Variants in PRR5 observed in about 807,000 individuals in gnomAD.
PRR5 encodes proline-rich protein 5.
PRR5 carries 25 observed loss-of-function variants against 30.6 expected under a neutral mutation model. The ratio of observed to expected loss-of-function variants is 0.82; its 90% CI spans 0.60 to 1.14. The LOEUF (loss-of-function observed/expected upper bound fraction) is 1.14. Ranked by LOEUF, PRR5 falls within the 50% of genes most tolerant of loss-of-function variation. The probability of loss-of-function intolerance (pLI) is 0.00; values close to 1 mark genes in which losing one functional copy is unlikely to be tolerated. For synonymous variants in PRR5, 286 were observed against 247.1 expected, an observed-to-expected ratio of 1.16 and a Z score of -1.48; for missense variants, 600 against 547.1, an observed-to-expected ratio of 1.10 and a Z score of -0.96.
At chr22:44,726,056 C>T (rs1238407407) in intron 3 of PRR5, among the ~76,000 whole-genome samples, 2 of 152,222 alleles carry the variant, frequency 1.3e-5, no homozygotes, top group African/African-American at 4.8e-5. Flanking sequence ...CTCATTGGAG[C>T]ACAAGCCAGT....
intron 1 of PRR5, among the ~76,000 whole-genome samples, chr22:44,683,391 G>A (rs1924461441): frequency 6.6e-6 from 1 of 152,244 alleles, no homozygotes; most frequent in South Asian, 2.1e-4. Context: ...TCCTGAGGAA[G>A]AGGCTTCTTG....
chr22:44,707,800 G>C (rs1266291750), intron 1 of PRR5, among the ~76,000 whole-genome samples: 17 of 152,204 alleles, frequency 1.1e-4, no homozygotes, highest in Admixed American at 1.1e-3. Context: ...CCCTCCATGT[G>C]TTTGGGCCAG....
intron 1 of PRR5, among the ~76,000 whole-genome samples, chr22:44,681,290 TA>T (rs201946438): frequency 9.3e-5 from 14 of 151,302 alleles, no homozygotes; most frequent in South Asian, 4.2e-4. Flanking sequence ...AAATGTTAGT[TA>T]AAAAAAAAGT....
intron 1 of PRR5, among the ~76,000 whole-genome samples, chr22:44,670,927 A>G (rs1458639327): frequency 6.6e-6 from 1 of 152,202 alleles, no homozygotes; most frequent in Non-Finnish European, 1.5e-5. Context: ...CTTCTGGGAC[A>G]TGTGTGAGAA....
At chr22:44,720,026 C>T (rs1929690681) in intron 2 of PRR5, among the ~76,000 whole-genome samples, 1 of 152,138 alleles carries the variant, frequency 6.6e-6, no homozygotes, top group Non-Finnish European at 1.5e-5. Flanking sequence ...GCAGCTTCGT[C>T]CCCTGGGCTC....
chr22:44,716,451 G>A (rs1056889956), intron 2 of PRR5, among the ~76,000 whole-genome samples: 13 of 152,180 alleles, frequency 8.5e-5, no homozygotes, highest in Admixed American at 3.9e-4. Context: ...TAGGGGGATC[G>A]CTAGAGGCCA....
chr22:44,736,204 G>A (rs553490548), intron 7 of PRR5, among the ~76,000 whole-genome samples: 2 of 152,252 alleles, frequency 1.3e-5, no homozygotes, highest in Non-Finnish European at 2.9e-5. Flanking sequence ...AGCGGCCAGC[G>A]AGGCCCATTT....
chr22:44,676,596 G>A (rs79134873), upstream of PRR5, among the ~76,000 whole-genome samples: 1,588 of 152,100 alleles, frequency 0.01, 26 homozygotes, highest in African/African-American at 0.036. Flanking sequence ...ACAGGCAGAG[G>A]GTTGGTGTTC....
intron 6 of PRR5, among the ~76,000 whole-genome samples, chr22:44,733,105 G>T (rs1922528541): frequency 6.6e-6 from 1 of 152,270 alleles, no homozygotes; most frequent in Non-Finnish European, 1.5e-5. Flanking sequence ...GCTTTTGTCA[G>T]TGGGTCAGCT....
intron 6 of PRR5, 166 bp from the exon 7 acceptor site, chr22:44,734,861 G>T: frequency 5.6e-6 from 5 of 893,870 alleles, no homozygotes; most frequent in Non-Finnish European, 8.4e-6. Flanking sequence ...CTCTGAGAGG[G>T]GCTGGGAGGC....
upstream of PRR5, among the ~76,000 whole-genome samples, chr22:44,674,124 A>G (rs529003292): frequency 2.0e-5 from 3 of 151,450 alleles, no homozygotes; most frequent in Non-Finnish European, 2.9e-5. Context: ...CTACAGCTCT[A>G]CGGTTCTGTA....
chr22:44,736,750 C>T (rs776125406), intron 7 of PRR5, 22 bp from the exon 8 acceptor site: 9 of 1,528,750 alleles, frequency 5.9e-6, no homozygotes, highest in African/African-American at 1.4e-5. Flanking sequence ...TCTGGTGTGA[C>T]AGTGCCCGTG....
At chr22:44,710,018 C>T (rs993975520) in intron 1 of PRR5, among the ~76,000 whole-genome samples, 1 of 152,178 alleles carries the variant, frequency 6.6e-6, no homozygotes, top group Non-Finnish European at 1.5e-5. Flanking sequence ...CCCTGACCCC[C>T]TACCCGCCGC....
chr22:44,729,253 C>A, intron 4 of PRR5: 1 of 910,124 alleles, frequency 1.1e-6, no homozygotes, highest in Non-Finnish European at 1.3e-6. Context: ...TTGTCACTGC[C>A]CTGCGCTCCT....
At chr22:44,713,687 C>T (rs1227402593) in intron 1 of PRR5, among the ~76,000 whole-genome samples, 3 of 152,080 alleles carry the variant, frequency 2.0e-5, no homozygotes, top group African/African-American at 7.2e-5. Flanking sequence ...CTTCCCATCA[C>T]ACCAGTCACG....
At chr22:44,679,955 G>A (rs1421719862) in intron 1 of PRR5, 2 of 1,429,250 alleles carry the variant, frequency 1.4e-6, no homozygotes, top group Non-Finnish European at 1.9e-6. Context: ...AGTGTGGCTG[G>A]AGGCTTAGGG....
chr22:44,701,403 A>G (rs1306010188), upstream of PRR5, among the ~76,000 whole-genome samples: 2 of 152,230 alleles, frequency 1.3e-5, no homozygotes, highest in Non-Finnish European at 2.9e-5. Flanking sequence ...GTGAGCCTCA[A>G]TGTCCTCAAC....
chr22:44,700,050 T>A (rs1161125170), upstream of PRR5, among the ~76,000 whole-genome samples: 1 of 152,152 alleles, frequency 6.6e-6, no homozygotes, highest in Non-Finnish European at 1.5e-5. Flanking sequence ...GCACAGTAGT[T>A]CATGCCTGTA....
intron 1 of PRR5, among the ~76,000 whole-genome samples, chr22:44,690,743 C>T (rs974265348): frequency 6.6e-6 from 1 of 152,102 alleles, no homozygotes; most frequent in African/African-American, 2.4e-5. Flanking sequence ...GAAAAAATAA[C>T]CCAGCCGGAG....
Sources: allele counts gnomAD v4.1 joint callset (sites outside exome capture counted in the v4.1 genomes callset), GRCh38; gene constraint gnomAD v4.1.1; transcripts MANE v1.5; gene names NCBI Gene and HGNC (gene_info 2026-07-23, HGNC 2026-07-21).